The following LMAN1L variants were observed in gnomAD, a reference collection of about 807,000 sequenced individuals.
LMAN1L encodes lectin, mannose binding 1 like.
LMAN1L carries 60 observed loss-of-function variants against 58.3 expected under a neutral mutation model. The observed-to-expected ratio is 1.03, with a 90% CI of 0.84 to 1.27. The LOEUF is 1.27. Among genes scored for constraint, LMAN1L ranks in the 50% most tolerant of loss-of-function variants. The pLI is 0.00. For missense variants in LMAN1L, 629 were observed against 674.0 expected (o/e 0.93, Z 0.74); for synonymous variants, 280 against 271.6 (o/e 1.03, Z -0.31).
chr15:74,824,586 C>T (rs907367429), intron 13 of LMAN1L, 108 bp downstream of exon 13: 32 of 1,295,338 alleles, frequency 2.5e-5, no homozygotes, highest in Middle Eastern at 1.9e-4. Context: ...GGGGACCTGC[C>T]GAGTCCCCAA....
chr15:74,813,048 G>A lies in LMAN1L; in HGVS notation c.175+19G>A. 6.2e-7 allele frequency: 1 copy of A among 1,602,586 alleles called. No homozygotes were observed. Among genetic ancestry groups the A allele is most frequent in the Non-Finnish European group, 8.5e-7 (1 of 1,173,536 alleles). On this transcript the variant is annotated intron_variant, in intron 1 of 13. Transcript: ENST00000309664. ...CATGGAGGTGAGGGGCAGGGGTGGGGACCAGCTATGCCCAGGGTCCCTCAA... is the reference window on the plus strand; with the variant it reads ...CATGGAGGTGAGGGGCAGGGGTGGGAACCAGCTATGCCCAGGGTCCCTCAA...
At chr15:74,818,387 C>T (rs982272298) in intron 4 of LMAN1L, among the ~76,000 whole-genome samples, 3 of 152,170 alleles carry the variant, frequency 2.0e-5, no homozygotes, top group Admixed American at 6.5e-5. Context: ...CCTGTATATC[C>T]TGGCTGGATT....
chr15:74,818,373 G>A (rs2063901910), intron 4 of LMAN1L, among the ~76,000 whole-genome samples: 1 of 152,148 alleles, frequency 6.6e-6, no homozygotes, highest in South Asian at 2.1e-4. Context: ...TCCAGGCCTT[G>A]AGTCCTGTAT....
intron 7 of LMAN1L, 106 bp downstream of exon 7, chr15:74,820,205 C>T: frequency 2.9e-6 from 3 of 1,031,584 alleles, no homozygotes; most frequent in South Asian, 2.5e-5. Context: ...CTCCACCTGG[C>T]CTCTGAGCTC....
chr15:74,816,085 G>C, intron 1 of LMAN1L, 72 bp from the exon 2 acceptor site: 3 of 1,489,052 alleles, frequency 2.0e-6, no homozygotes, highest in East Asian at 2.5e-5. Context: ...AGCCCAGCCC[G>C]GGCCAAGTGA....
intron 12 of LMAN1L, 123 bp from the exon 13 acceptor site, chr15:74,824,228 A>G (rs2063930635): frequency 1.1e-6 from 1 of 894,952 alleles, no homozygotes; most frequent in African/African-American, 1.7e-5. Flanking sequence ...AGTTCCCTGG[A>G]TGAGAGCCAG....
intron 8 of LMAN1L, 48 bp from the exon 9 acceptor site, chr15:74,821,027 T>C: frequency 6.6e-7 from 1 of 1,520,590 alleles, no homozygotes; most frequent in South Asian, 1.3e-5. Context: ...TAGGCTGTGT[T>C]ACCCCACCAT....
intron 10 of LMAN1L, 46 bp from the exon 11 acceptor site, chr15:74,822,596 G>C: frequency 6.6e-7 from 1 of 1,520,496 alleles, no homozygotes; most frequent in East Asian, 2.2e-5. Context: ...TCTGAGAAGA[G>C]AGGGGCTATG....
intron 12 of LMAN1L, 124 bp downstream of exon 12, chr15:74,823,806 G>T: frequency 8.8e-7 from 1 of 1,137,404 alleles, no homozygotes; most frequent in Non-Finnish European, 1.2e-6. Context: ...CAGGACTGCT[G>T]GCAAGCACAT....
At chr15:74,816,779 T>C in intron 4 of LMAN1L, 89 bp downstream of exon 4, 1 of 1,287,122 alleles carries the variant, frequency 7.8e-7, no homozygotes, top group Non-Finnish European at 1.1e-6. Flanking sequence ...CCCAGCCTCC[T>C]CCAGCAGGGG....
At position 74,824,361 on chromosome 15, in the gene LMAN1L, C is replaced by A. The variant is rs772214861; in HGVS notation, c.1334C>A (p.Ala445Asp). ...ACTTTCCCCTTTCAGAAGGCAGCAGCCAAGGCCCCCCGCCCACCTGGCCAG... is the reference window on the plus strand; with the variant it reads ...ACTTTCCCCTTTCAGAAGGCAGCAGACAAGGCCCCCCGCCCACCTGGCCAG... ...EELRGPAKAA[A>D]KAPRPPGQPP... The change falls in exon 13 of 14, where the codon GCC becomes GAC. Residue 445 changes from alanine (A) to aspartate (D), a missense_variant. By Grantham distance (126) the Ala-to-Asp change is moderately radical (BLOSUM62 -2). Transcript: ENST00000309664. 5.0e-6 allele frequency: 8 copies of A among 1,613,730 alleles called. No homozygotes were observed. Among genetic ancestry groups the A allele is most frequent in the Non-Finnish European group, 6.8e-6 (8 of 1,179,824 alleles).
intron 10 of LMAN1L, 141 bp downstream of exon 10, chr15:74,822,041 G>T: frequency 1.6e-6 from 1 of 622,138 alleles, no homozygotes; most frequent in Non-Finnish European, 2.9e-6. Flanking sequence ...GACGTATTTT[G>T]GCTTGGCATG....
intron 4 of LMAN1L, among the ~76,000 whole-genome samples, chr15:74,817,324 A>G (rs2063896606): frequency 6.6e-6 from 1 of 152,144 alleles, no homozygotes; most frequent in African/African-American, 2.4e-5. Context: ...GGTCGTTCCA[A>G]TTACCATCCT....
chr15:74,821,375 T>G, intron 9 of LMAN1L, 149 bp downstream of exon 9: 1 of 999,322 alleles, frequency 1.0e-6, no homozygotes, highest in Non-Finnish European at 1.4e-6. Context: ...CAGGGCAGCA[T>G]GCAGGATGGC....
rs921217486 is a variant in LMAN1L, at chr15:74,821,098, G to A, written c.931G>A (p.Glu311Lys). The A allele has an allele frequency of 2.5e-6, 4 of 1,574,814 alleles. No homozygotes were observed. Among genetic ancestry groups the A allele is most frequent in the Non-Finnish European group, 3.4e-6 (4 of 1,160,414 alleles). ...AGGGGAAAGGCTCTTTGACCTGGAG[G>A]AGACGCTGGGCAGACACCGCCGGAT... ...GEGERLFDLE[E>K]TLGRHRRILQ... Residue 311 changes from glutamate to lysine, a missense_variant, in exon 9 of 14, where the codon GAG (glutamate) becomes AAG (lysine). Physicochemically the swap from Glu to Lys is moderately conservative, Grantham distance 56. Transcript: ENST00000309664.
At chr15:74,817,031 G>A (rs966779335) in intron 4 of LMAN1L, among the ~76,000 whole-genome samples, 1 of 152,258 alleles carries the variant, frequency 6.6e-6, no homozygotes, top group African/African-American at 2.4e-5. Context: ...TGTGCCGTGC[G>A]CAGTGCTGAA....
rs1195337219 is a variant in LMAN1L, at chr15:74,820,444, T to C, written c.775-191T>C. The C allele has an allele frequency of 1.3e-5, 10 of 761,650 alleles. No individual in the cohort carries two copies. In the Admixed American group the frequency reaches 1.5e-4, roughly 11 times the overall value. The allele number at this position is 761,650 out of a possible 1,614,324, so 47.2% of individuals were successfully genotyped here. On this transcript the variant is annotated intron_variant, in intron 7 of 13. Coordinates refer to ENST00000309664, the MANE Select transcript of LMAN1L (RefSeq NM_021819.3). ...TAAAGGAGCCTCGGACCAGCACATA[T>C]AGGCTTGAGGCCACAGCAGGGAGGG... is the stretch of plus-strand genomic sequence containing the variant.
At chr15:74,813,141 C>A in intron 1 of LMAN1L, 112 bp downstream of exon 1, 2 of 1,244,464 alleles carry the variant, frequency 1.6e-6, no homozygotes, top group Non-Finnish European at 2.2e-6. Context: ...CAGGGTGGGG[C>A]AAGGCCTGGG....
Position 74,816,527 on chromosome 15 carries a change from A to C in LMAN1L, c.431A>C (p.Asp144Ala). 1 of 1,560,762 alleles carries C rather than the reference A, an allele frequency of 6.4e-7. No individual in the cohort carries two copies. The highest frequency in any genetic ancestry group is 1.7e-4 in the Middle Eastern group (1 of 5,804). ...IGIFFDSPAE[D>A]TQDSPAIRVL... ...ATCTTCTTTGACTCTCCGGCAGAGG[A>C]TACTCAGGTGCGTAGTGGTCTCCTG... The change falls in exon 3 of 14, where the codon GAT becomes GCT. Residue 144 changes from aspartate (D) to alanine (A), a missense_variant. By Grantham distance (126) the Asp-to-Ala change is moderately radical (BLOSUM62 -2). Coordinates refer to ENST00000309664, the MANE Select transcript of LMAN1L (RefSeq NM_021819.3).
Sources: allele counts gnomAD v4.1 joint callset (sites outside exome capture counted in the v4.1 genomes callset), GRCh38; gene constraint gnomAD v4.1.1; transcripts MANE v1.5; gene names NCBI Gene and HGNC (gene_info 2026-07-23, HGNC 2026-07-21).